The following RAPGEF4 variants were observed in gnomAD, a reference collection of about 807,000 sequenced individuals.
RAPGEF4 encodes Rap guanine nucleotide exchange factor 4.
In RAPGEF4, 66 loss-of-function variants were observed where a neutral mutation model predicts 147.9. The observed-to-expected ratio is 0.45, with a 90% CI of 0.37 to 0.55. The LOEUF (loss-of-function observed/expected upper bound fraction) is 0.55, where lower values mean the gene tolerates loss of function less well. RAPGEF4 is among the 20% of genes least tolerant of loss of function. The pLI is 0.00. For missense variants in RAPGEF4, 1,071 were observed against 1,257.3 expected (o/e 0.85, Z 2.24); for synonymous variants, 419 against 442.7 (o/e 0.95, Z 0.67).
At chr2:172,922,112 A>G (rs1370139263) in intron 5 of RAPGEF4, among the ~76,000 whole-genome samples, 169 bp from the exon 6 acceptor site, 1 of 152,256 alleles carries the variant, frequency 6.6e-6, no homozygotes, top group Admixed American at 6.5e-5. Context: ...TTATTTAAGC[A>G]GCATTATATA....
Position 173,051,743 on chromosome 2 carries a change from C to G in RAPGEF4, c.3012C>G (p.His1004Gln). Residue 1004 changes from histidine (H) to glutamine (Q), a missense_variant, in exon 31 of 31, where the codon CAC becomes CAG. His to Gln is a conservative substitution (Grantham distance 24, BLOSUM62 0). Coordinates refer to ENST00000397081, the MANE Select transcript of RAPGEF4 (RefSeq NM_007023.4). ...DNQRTLSQMS[H>Q]RLEPRRP is the part of the protein sequence containing the mutation. ...AGAGAACTTTATCACAGATGTCACA[C>G]AGATTAGAGCCTCGTCGACCATAGA... The G allele has an allele frequency of 6.2e-7, 1 of 1,613,998 alleles. No homozygotes were observed.
chr2:173,040,997 C>T (rs1684696056), intron 29 of RAPGEF4, among the ~76,000 whole-genome samples: 1 of 152,130 alleles, frequency 6.6e-6, no homozygotes, highest in African/African-American at 2.4e-5. Context: ...CTATTTCAGA[C>T]ATACCCATAT....
chr2:172,799,577 G>C lies in RAPGEF4; in HGVS notation c.297+1964G>C, dbSNP rs183777224. ...CTGCTCCTGGTACTTCCTTTCCCCA[G>C]GTTTTACCTGCATAGATGTTCCCTG... is the stretch of plus-strand genomic sequence containing the variant. On this transcript the variant is annotated intron_variant, in intron 3 of 30. Transcript: ENST00000397081. Among the ~76,000 whole-genome samples, 3 of 152,264 alleles carry C rather than the reference G, an allele frequency of 2.0e-5. No individual in the cohort carries two copies. In the East Asian group the frequency reaches 5.8e-4, roughly 29 times the overall value.
At chr2:172,955,010 G>C (rs1415059785) in intron 6 of RAPGEF4, among the ~76,000 whole-genome samples, 2 of 152,154 alleles carry the variant, frequency 1.3e-5, no homozygotes, top group African/African-American at 4.8e-5. Context: ...CCTTGAATCA[G>C]ATTGGATGTG....
rs1313991806 is a variant in RAPGEF4, at chr2:172,816,980, C to T, written c.444+2555C>T. ...CCCCATTATCTAGCAATCTGTTAAT[C>T]AGGACTTCATTAATGGGCACACTTG... On this transcript the variant is annotated intron_variant, in intron 4 of 30. Transcript: ENST00000397081. Among the ~76,000 whole-genome samples, 3 of 152,310 alleles carry T rather than the reference C, an allele frequency of 2.0e-5. No homozygotes were observed. In the East Asian group the frequency reaches 5.8e-4, roughly 29 times the overall value.
chr2:172,917,770 C>G (rs1200720105), intron 4 of RAPGEF4, 32 bp from the exon 5 acceptor site: 1 of 1,551,530 alleles, frequency 6.4e-7, no homozygotes, highest in Middle Eastern at 1.7e-4. Flanking sequence ...AAGTAAATAT[C>G]TGTGTGTTGA....
At chr2:172,792,974 C>G (rs957389367) in intron 1 of RAPGEF4, among the ~76,000 whole-genome samples, 7 of 152,184 alleles carry the variant, frequency 4.6e-5, no homozygotes, top group African/African-American at 1.7e-4. Flanking sequence ...TGGTTTAAAA[C>G]AACAAACACT....
intron 4 of RAPGEF4, among the ~76,000 whole-genome samples, chr2:172,824,391 T>A (rs1184724561): frequency 6.6e-6 from 1 of 152,200 alleles, no homozygotes; most frequent in Admixed American, 6.5e-5. Context: ...CCATTCCCCT[T>A]TGTGCTTACT....
chr2:172,739,181 A>G (rs1470937760), intron 1 of RAPGEF4, among the ~76,000 whole-genome samples: 1 of 152,196 alleles, frequency 6.6e-6, no homozygotes, highest in African/African-American at 2.4e-5. Flanking sequence ...ACCAACATTG[A>G]AAAAAGTCTC....
At chr2:172,920,113 G>A (rs1684581301) in intron 5 of RAPGEF4, among the ~76,000 whole-genome samples, 1 of 152,100 alleles carries the variant, frequency 6.6e-6, no homozygotes, top group Admixed American at 6.6e-5. Flanking sequence ...ACAGAAAGTG[G>A]AGAGAATGAT....
chr2:172,794,344 T>A (rs1686142537), intron 1 of RAPGEF4, among the ~76,000 whole-genome samples: 1 of 84,866 alleles, frequency 1.2e-5, no homozygotes, highest in African/African-American at 4.7e-5. Context: ...TGAAACTCCA[T>A]CTCAAAAAAA....
At chr2:173,031,012 A>T (rs1030434336) in intron 26 of RAPGEF4, among the ~76,000 whole-genome samples, 1 of 152,234 alleles carries the variant, frequency 6.6e-6, no homozygotes, top group African/African-American at 2.4e-5. Context: ...TGCTAAAAAT[A>T]AAAAATTGTG....
chr2:172,879,019 T>A (rs1484778322), intron 4 of RAPGEF4, among the ~76,000 whole-genome samples: 3 of 152,164 alleles, frequency 2.0e-5, no homozygotes, highest in Admixed American at 2.0e-4. Flanking sequence ...AAATTTTAAA[T>A]GCACACACCA....
At chr2:172,924,829 G>A (rs751031984) in intron 6 of RAPGEF4, among the ~76,000 whole-genome samples, 1 of 151,988 alleles carries the variant, frequency 6.6e-6, no homozygotes, top group Non-Finnish European at 1.5e-5. Context: ...ATATGCCTGT[G>A]GACTGAAATA....
intron 29 of RAPGEF4, 87 bp downstream of exon 29, chr2:173,036,779 T>C: frequency 1.1e-6 from 1 of 891,528 alleles, no homozygotes; most frequent in Non-Finnish European, 1.7e-6. Context: ...TTTCCATATA[T>C]GCTGCCCTGC....
chr2:172,992,974 A>G (rs577688462), intron 15 of RAPGEF4, among the ~76,000 whole-genome samples: 69 of 152,320 alleles, frequency 4.5e-4, no homozygotes, highest in African/African-American at 1.5e-3. Context: ...AAAATGTGGC[A>G]TCAACCATGT....
chr2:172,782,702 C>G (rs1004893414), intron 1 of RAPGEF4, among the ~76,000 whole-genome samples: 3 of 152,142 alleles, frequency 2.0e-5, no homozygotes, highest in Non-Finnish European at 4.4e-5. Context: ...TTTAAAGAAG[C>G]CTCGGTTATC....
intron 4 of RAPGEF4, among the ~76,000 whole-genome samples, chr2:172,911,136 A>G (rs988125158): frequency 7.2e-5 from 11 of 152,188 alleles, no homozygotes; most frequent in African/African-American, 2.7e-4. Context: ...CTCAAAGTCC[A>G]GGATCCCATC....
At chr2:173,021,410 A>T (rs1394024171) in intron 23 of RAPGEF4, among the ~76,000 whole-genome samples, 1 of 152,194 alleles carries the variant, frequency 6.6e-6, no homozygotes, top group African/African-American at 2.4e-5. Context: ...GTCTTTGGAT[A>T]CACGGGGTTT....
Sources: allele counts gnomAD v4.1 joint callset (sites outside exome capture counted in the v4.1 genomes callset), GRCh38; gene constraint gnomAD v4.1.1; transcripts MANE v1.5; gene names NCBI Gene and HGNC (gene_info 2026-07-23, HGNC 2026-07-21).